Variants in NNT observed in about 807,000 individuals in gnomAD.
The protein encoded by NNT is NAD(P) transhydrogenase, mitochondrial.
Under a neutral mutation model 104.8 loss-of-function variants are expected in NNT, and 50 were observed. The ratio of observed to expected loss-of-function variants is 0.48; its 90% confidence interval spans 0.38 to 0.60. The LOEUF (loss-of-function observed/expected upper bound fraction) is 0.60, where lower values mean the gene tolerates loss of function less well. NNT is among the 20% of genes least tolerant of loss of function. The pLI, the probability that NNT is intolerant of heterozygous loss-of-function variation, is 0.00. For synonymous variants in NNT, 461 were observed against 490.4 expected (o/e 0.94, Z 0.79); for missense variants, 1,131 against 1,330.7 (o/e 0.85, Z 2.33).
chr5:43,654,203 A>G (rs1393550348), intron 14 of NNT, among the ~76,000 whole-genome samples: 1 of 152,208 alleles, frequency 6.6e-6, no homozygotes, highest in African/African-American at 2.4e-5. Flanking sequence ...TTCCAATTCT[A>G]CATTCAATGA....
intron 7 of NNT, among the ~76,000 whole-genome samples, chr5:43,637,542 T>C (rs1750998556): frequency 6.6e-6 from 1 of 152,092 alleles, no homozygotes; most frequent in Non-Finnish European, 1.5e-5. Flanking sequence ...CAGAACGTAG[T>C]CCAGTTATAG....
At chr5:43,651,577 C>CA (rs905792752) in intron 12 of NNT, among the ~76,000 whole-genome samples, 162 bp from the exon 13 acceptor site, 66 of 144,508 alleles carry the variant, frequency 4.6e-4, no homozygotes, top group Middle Eastern at 3.5e-3. Flanking sequence ...GACTCCATCT[C>CA]AAAAAAAAAA....
chr5:43,641,662 T>C (rs1339381840), intron 7 of NNT, among the ~76,000 whole-genome samples: 2 of 152,192 alleles, frequency 1.3e-5, no homozygotes, highest in Non-Finnish European at 2.9e-5. Flanking sequence ...GCTTTTTACT[T>C]ATAATAATTC....
At chr5:43,678,464 A>G (rs780323529) in intron 19 of NNT, among the ~76,000 whole-genome samples, 2 of 152,218 alleles carry the variant, frequency 1.3e-5, no homozygotes, top group Non-Finnish European at 2.9e-5. Flanking sequence ...GACTCATTTT[A>G]GAAAAGGAAA....
intron 6 of NNT, among the ~76,000 whole-genome samples, chr5:43,625,153 C>T (rs968076788): frequency 1.3e-5 from 2 of 152,108 alleles, no homozygotes; most frequent in African/African-American, 2.4e-5. Context: ...TTCTCAAGAC[C>T]TCCAAGCCCA....
At chr5:43,628,420 C>G (rs1750482686) in intron 7 of NNT, 33 bp downstream of exon 7, 1 of 1,465,000 alleles carries the variant, frequency 6.8e-7, no homozygotes, top group African/African-American at 1.4e-5. Context: ...ATTTTAAAAG[C>G]ACTTTTACTC....
chr5:43,636,245 G>A (rs987803437), intron 7 of NNT, among the ~76,000 whole-genome samples: 3 of 152,228 alleles, frequency 2.0e-5, no homozygotes, highest in Middle Eastern at 3.4e-3. Context: ...GCGATGCCTC[G>A]TCTTCTGGAT....
Position 43,612,712 on chromosome 5 carries a change from A to C in NNT, c.152-196A>C, listed in dbSNP as rs976266669. On this transcript the variant is annotated intron_variant, in intron 2 of 21. Transcript: ENST00000344920. The stretch of plus-strand genomic sequence containing the variant: ...AGAAGTTTCAGAAGAGTAGGCATAA[A>C]AGTTTCTTATAATCTACCACAAAAG... Among the ~76,000 whole-genome samples the C allele has an allele frequency of 7.2e-5, 11 of 152,170 alleles. 1 individual carries two copies. The highest frequency in any genetic ancestry group is 2.1e-4 in the South Asian group (1 of 4,836).
intron 17 of NNT, among the ~76,000 whole-genome samples, chr5:43,666,529 C>T (rs1395997864): frequency 4.1e-5 from 6 of 145,338 alleles, no homozygotes; most frequent in Admixed American, 1.4e-4. Flanking sequence ...TGCAGTGAGC[C>T]GAGATGGCGA....
At chr5:43,611,094 GCCTC>G (rs1256999270) in intron 2 of NNT, among the ~76,000 whole-genome samples, 2 of 68,086 alleles carry the variant, frequency 2.9e-5, no homozygotes, top group African/African-American at 1.2e-4. Flanking sequence ...CTCCCTCCCT[GCCTC>G]CCTCCCTCCC....
At chr5:43,687,319 G>T (rs940516715) in intron 19 of NNT, among the ~76,000 whole-genome samples, 14 of 152,146 alleles carry the variant, frequency 9.2e-5, no homozygotes, top group African/African-American at 3.1e-4. Context: ...CATAATAAAA[G>T]ATAATGTTCA....
At chr5:43,620,261 C>A (rs1489464491) in intron 5 of NNT, among the ~76,000 whole-genome samples, 1 of 151,882 alleles carries the variant, frequency 6.6e-6, no homozygotes. Flanking sequence ...ACTCTGTCAC[C>A]CAGACTGGAG....
intron 7 of NNT, among the ~76,000 whole-genome samples, chr5:43,631,313 C>A (rs1374896940): frequency 2.0e-5 from 3 of 152,120 alleles, no homozygotes; most frequent in African/African-American, 7.2e-5. Flanking sequence ...TCAGTGAAGA[C>A]ATAACTCAGG....
chr5:43,656,862 T>C, intron 16 of NNT, 49 bp downstream of exon 16: 1 of 1,531,782 alleles, frequency 6.5e-7, no homozygotes, highest in Non-Finnish European at 8.9e-7. Context: ...GAACTGGGAA[T>C]ATTTTGTTAG....
intron 2 of NNT, 47 bp downstream of exon 2, chr5:43,609,393 GA>G (rs1561259847): frequency 6.3e-7 from 1 of 1,577,616 alleles, no homozygotes; most frequent in Admixed American, 1.7e-5. Context: ...CAAGTCATAG[GA>G]ACTAATAGAT....
chr5:43,616,075 T>C lies in NNT; in HGVS notation c.599+10T>C. 6.2e-7 allele frequency: 1 copy of C among 1,608,610 alleles called. No individual in the cohort carries two copies. The highest frequency in any genetic ancestry group is 1.3e-5 in the African/African-American group (1 of 74,690). On this transcript the variant is annotated intron_variant, in intron 4 of 21. Coordinates refer to ENST00000344920, the MANE Select transcript of NNT (RefSeq NM_182977.3). ...TGGCCAACATTGCGGGGTAGGTTCT[T>C]TTCCATTTCAATTGAACAAAAGCGC...
In NNT at chr5:43,672,183, G is replaced by A. The variant is rs138037685; in HGVS notation, c.2635-3328G>A. On this transcript the variant is annotated intron_variant, in intron 17 of 21. Coordinates refer to ENST00000344920, the MANE Select transcript of NNT (RefSeq NM_182977.3). ...CACTGTTTATTCTAGTTAGCCATTC[G>A]TCTTAATATTTTTTCAAGGTTTTTA... Among the ~76,000 whole-genome samples the A allele has an allele frequency of 5.9e-4, 90 of 152,214 alleles. No individual in the cohort carries two copies. The East Asian group carries it at 6.4e-3, about 11-fold the overall frequency.
chr5:43,614,068 C>T (rs191129186), intron 3 of NNT, among the ~76,000 whole-genome samples: 145 of 152,176 alleles, frequency 9.5e-4, no homozygotes, highest in Admixed American at 2.6e-3. Flanking sequence ...TTTACAAATA[C>T]TTGGTGATAT....
chr5:43,667,201 T>C (rs1410175947), intron 17 of NNT: 17 of 1,365,598 alleles, frequency 1.2e-5, no homozygotes, highest in Non-Finnish European at 1.8e-5. Flanking sequence ...TCGGGACTGG[T>C]TGTGTGTAGT....
Sources: allele counts gnomAD v4.1 joint callset (sites outside exome capture counted in the v4.1 genomes callset), GRCh38; gene constraint gnomAD v4.1.1; transcripts MANE v1.5; gene names NCBI Gene and HGNC (gene_info 2026-07-23, HGNC 2026-07-21).